Variants in PDE4B observed in about 807,000 individuals in gnomAD.
The protein encoded by PDE4B is phosphodiesterase 4B.
In PDE4B, 20 loss-of-function variants were observed where a neutral mutation model predicts 82.2. The observed-to-expected ratio is 0.24, with a 90% CI of 0.17 to 0.35. The LOEUF (loss-of-function observed/expected upper bound fraction) is 0.35. Ranked by LOEUF, PDE4B falls within the 10% of genes least tolerant of loss-of-function variation. PDE4B has a pLI of 1.00. For missense variants in PDE4B, 655 were observed against 907.2 expected (o/e 0.72, Z 3.57); for synonymous variants, 320 against 318.9 (o/e 1.00, Z -0.04).
chr1:65,970,414 G>A (rs916783683), intron 3 of PDE4B, among the ~76,000 whole-genome samples: 1 of 151,952 alleles, frequency 6.6e-6, no homozygotes, highest in African/African-American at 2.4e-5. Context: ...TAAATGGCAG[G>A]GAGGTATTAG....
At chr1:66,186,747 G>T (rs1647230241) in intron 3 of PDE4B, among the ~76,000 whole-genome samples, 2 of 152,204 alleles carry the variant, frequency 1.3e-5, no homozygotes, top group Admixed American at 1.3e-4. Flanking sequence ...AGACCATGGG[G>T]TTTTCTAGAT....
intron 1 of PDE4B, among the ~76,000 whole-genome samples, chr1:65,893,849 T>C (rs1040718077): frequency 2.6e-5 from 4 of 152,034 alleles, no homozygotes; most frequent in Non-Finnish European, 4.4e-5. Flanking sequence ...TTGCAGCAAC[T>C]TGGATGGATC....
intron 3 of PDE4B, among the ~76,000 whole-genome samples, chr1:66,243,014 C>A (rs907999745): frequency 6.6e-6 from 1 of 152,198 alleles, no homozygotes; most frequent in African/African-American, 2.4e-5. Context: ...CAGACACAAG[C>A]TGGTATAAGA....
chr1:65,934,975 A>G (rs959695064), intron 3 of PDE4B, among the ~76,000 whole-genome samples: 3 of 152,174 alleles, frequency 2.0e-5, no homozygotes, highest in Non-Finnish European at 2.9e-5. Flanking sequence ...ATAAAATAAC[A>G]AACAGCAGAC....
At chr1:66,305,909 C>G (rs1658240422) in intron 7 of PDE4B, among the ~76,000 whole-genome samples, 1 of 152,088 alleles carries the variant, frequency 6.6e-6, no homozygotes, top group South Asian at 2.1e-4. Flanking sequence ...GAGAAATTAG[C>G]AGACATAACT....
At chr1:66,002,702 T>C (rs1044736480) in intron 3 of PDE4B, among the ~76,000 whole-genome samples, 4 of 152,140 alleles carry the variant, frequency 2.6e-5, no homozygotes, top group Non-Finnish European at 5.9e-5. Flanking sequence ...CTTTGTTTTA[T>C]GTGACTTCAT....
chr1:65,981,159 A>G (rs1650665635), intron 3 of PDE4B, among the ~76,000 whole-genome samples: 1 of 152,178 alleles, frequency 6.6e-6, no homozygotes, highest in South Asian at 2.1e-4. Flanking sequence ...TCTACCTATA[A>G]TACTTAAGGT....
chr1:66,134,660 A>G (rs1389069874), intron 3 of PDE4B, among the ~76,000 whole-genome samples: 1 of 152,238 alleles, frequency 6.6e-6, no homozygotes, highest in African/African-American at 2.4e-5. Context: ...CTTATTTTAA[A>G]GAGAGAAGTG....
At chr1:66,106,512 C>T (rs1162756736) in intron 3 of PDE4B, among the ~76,000 whole-genome samples, 1 of 150,702 alleles carries the variant, frequency 6.6e-6, no homozygotes, top group Non-Finnish European at 1.5e-5. Flanking sequence ...CAGAAGGAAT[C>T]ATACCAGTTC....
At chr1:65,964,074 A>G (rs1006353527) in intron 3 of PDE4B, among the ~76,000 whole-genome samples, 1 of 152,084 alleles carries the variant, frequency 6.6e-6, no homozygotes, top group African/African-American at 2.4e-5. Context: ...AACTTTCTGA[A>G]TATATTATTG....
At chr1:66,243,874 C>A (rs899636813) in intron 3 of PDE4B, among the ~76,000 whole-genome samples, 4 of 152,214 alleles carry the variant, frequency 2.6e-5, no homozygotes, top group African/African-American at 9.7e-5. Flanking sequence ...GATCAGAGAG[C>A]AGGGCTTGGC....
chr1:66,197,677 T>C (rs1648447779), intron 3 of PDE4B, among the ~76,000 whole-genome samples: 1 of 152,158 alleles, frequency 6.6e-6, no homozygotes, highest in Non-Finnish European at 1.5e-5. Context: ...CTTGGAACTC[T>C]ATTCTGTGCA....
chr1:65,892,510 A>G (rs1646862599), intron 1 of PDE4B, among the ~76,000 whole-genome samples: 1 of 152,084 alleles, frequency 6.6e-6, no homozygotes, highest in African/African-American at 2.4e-5. Context: ...TAATATCAGA[A>G]CAGTATTTTC....
intron 3 of PDE4B, among the ~76,000 whole-genome samples, chr1:66,074,143 T>C (rs948861112): frequency 1.3e-5 from 2 of 152,138 alleles, no homozygotes; most frequent in African/African-American, 4.8e-5. Context: ...GGAAATGTGA[T>C]TGCTCATGGA....
At chr1:65,976,340 C>A (rs1650407399) in intron 3 of PDE4B, among the ~76,000 whole-genome samples, 1 of 152,178 alleles carries the variant, frequency 6.6e-6, no homozygotes, top group South Asian at 2.1e-4. Context: ...GGAGCATTTA[C>A]ATAATTCCTG....
chr1:65,951,440 T>C (rs906284134), intron 3 of PDE4B, among the ~76,000 whole-genome samples: 1 of 152,138 alleles, frequency 6.6e-6, no homozygotes, highest in African/African-American at 2.4e-5. Flanking sequence ...TGGAAATTTA[T>C]GCATTCTTTT....
chr1:66,290,709 C>T (rs1212380056), intron 7 of PDE4B, among the ~76,000 whole-genome samples: 1 of 152,176 alleles, frequency 6.6e-6, no homozygotes, highest in Non-Finnish European at 1.5e-5. Context: ...GAGTAATAAT[C>T]AAGTACACTA....
rs576148959 is a variant in PDE4B, at chr1:66,336,584, C to A, written c.747+3964C>A. Among the ~76,000 whole-genome samples the A allele has an allele frequency of 9.9e-4, 150 of 152,282 alleles. 1 individual carries two copies. Among genetic ancestry groups the A allele is most frequent in the African/African-American group, 3.4e-3 (141 of 41,544 alleles). ...CTCTGGGGCTGTTTTATATGCAGAA[C>A]AAAGGTTGGGTGCTGCTGGGTGAAA... On this transcript the variant is annotated intron_variant, in intron 8 of 16. Transcript: ENST00000341517.
rs551912054 is a variant in PDE4B at position 66,190,893 on chromosome 1, G to A, written c.282-56567G>A. Among the ~76,000 whole-genome samples the A allele has an allele frequency of 1.1e-3, 175 of 152,212 alleles. 1 individual carries two copies. In the South Asian group the frequency reaches 0.015, roughly 13 times the overall value. On this transcript the variant is annotated intron_variant, in intron 3 of 16. Coordinates refer to ENST00000341517, the MANE Select transcript of PDE4B (RefSeq NM_002600.4). ...CCAGTAAGATGAACCCGGTACCTCA[G>A]TTGGTAATGCAGAAATCACCCGTCT...
Sources: gnomAD v4.1 joint callset for allele counts (sites outside exome capture counted in the v4.1 genomes callset) on GRCh38, gnomAD v4.1.1 for gene constraint, MANE v1.5 for transcripts, NCBI Gene and HGNC (gene_info 2026-07-23, HGNC 2026-07-21) for gene names.